Variants in TPO observed in about 807,000 individuals in gnomAD.
The protein encoded by TPO is thyroid microsomal antigen.
Under a neutral mutation model 96.9 loss-of-function variants are expected in TPO, and 78 were observed. That is an observed-to-expected ratio of 0.81 (90% CI 0.67 to 0.97). TPO has a LOEUF of 0.97. Among genes scored for constraint, TPO ranks in the 50% least tolerant of loss-of-function variants. The probability of loss-of-function intolerance (pLI) is 0.00; values close to 1 mark genes in which losing one functional copy is unlikely to be tolerated. For synonymous variants in TPO, 547 were observed against 538.0 expected, an observed-to-expected ratio of 1.02 and a Z score of -0.23; for missense variants, 1,252 against 1,274.8, an observed-to-expected ratio of 0.98 and a Z score of 0.27.
chr2:1,469,033 T>G (rs1430505482), intron 7 of TPO, among the ~76,000 whole-genome samples: 1 of 152,230 alleles, frequency 6.6e-6, no homozygotes, highest in African/African-American at 2.4e-5. Flanking sequence ...TTTCTCTGAG[T>G]GTGTCCAATG....
intron 1 of TPO, among the ~76,000 whole-genome samples, chr2:1,391,418 C>A (rs1346449534): frequency 1.3e-5 from 2 of 152,110 alleles, no homozygotes; most frequent in African/African-American, 4.8e-5. Context: ...GTTACTGTAG[C>A]CTCATAGTAT....
intron 7 of TPO, among the ~76,000 whole-genome samples, chr2:1,460,689 T>C (rs904221357): frequency 2.0e-5 from 3 of 152,228 alleles, no homozygotes; most frequent in East Asian, 1.9e-4. Context: ...TGTATTGTTA[T>C]TGCTGTGTTG....
chr2:1,497,991 C>CAAAA (rs543921082), intron 13 of TPO, among the ~76,000 whole-genome samples: 15 of 87,250 alleles, frequency 1.7e-4, no homozygotes, highest in East Asian at 3.1e-4. Context: ...CCCCATCTAC[C>CAAAA]AAAAAAAAAA....
rs546320500 is a variant in TPO, at chr2:1,384,922, A to G, written n.180+10520A>G. Among the ~76,000 whole-genome samples, 592 of 152,212 alleles carry G rather than the reference A, an allele frequency of 3.9e-3. 4 individuals carry two copies. Among genetic ancestry groups the G allele is most frequent in the Non-Finnish European group, 5.2e-3 (355 of 67,992 alleles). ...ATTTATTGAGAGTTTTTAGCATGAA[A>G]GGCTGTTGAATTTTGTCAAAGGCCT... On this transcript the variant is annotated intron_variant and non_coding_transcript_variant, in intron 1 of 5. Transcript: ENST00000497517.
At chr2:1,486,578 T>G (rs1671186732) in intron 9 of TPO, among the ~76,000 whole-genome samples, 1 of 152,112 alleles carries the variant, frequency 6.6e-6, no homozygotes, top group Non-Finnish European at 1.5e-5. Flanking sequence ...GCTAAACTGT[T>G]CTATAGTTAT....
intron 1 of TPO, among the ~76,000 whole-genome samples, chr2:1,377,336 A>ATAATACAG (rs1221983419): frequency 2.6e-5 from 4 of 152,194 alleles, no homozygotes; most frequent in Non-Finnish European, 5.9e-5. Flanking sequence ...CCCTACAAGG[A>ATAATACAG]TAATACAGGG....
chr2:1,457,836 T>C (rs1483221823), intron 7 of TPO, among the ~76,000 whole-genome samples: 2 of 151,958 alleles, frequency 1.3e-5, no homozygotes, highest in East Asian at 3.9e-4. Flanking sequence ...ATATAGCATA[T>C]AGGATTATGT....
At chr2:1,398,753 T>A (rs2148370233) in intron 1 of TPO, among the ~76,000 whole-genome samples, 1 of 152,210 alleles carries the variant, frequency 6.6e-6, no homozygotes, top group Non-Finnish European at 1.5e-5. Context: ...CCCCAAGGAA[T>A]GGGGTGCTGG....
chr2:1,471,108 G>A (rs1191676078), intron 7 of TPO, among the ~76,000 whole-genome samples: 2 of 152,218 alleles, frequency 1.3e-5, no homozygotes, highest in African/African-American at 4.8e-5. Context: ...TCTGACAGTG[G>A]TCAGGGGTTG....
chr2:1,529,777 C>G lies in TPO; in HGVS notation c.2619-10817C>G, dbSNP rs547037491. Among the ~76,000 whole-genome samples the G allele has an allele frequency of 7.4e-3, 731 of 98,436 alleles. 18 individuals are homozygous for G. The highest frequency in any genetic ancestry group is 0.028 in the African/African-American group (671 of 23,688). 64.6% of individuals were successfully genotyped at this position (98,436 alleles called of 152,430 possible). ...CCACTGTGTGCAACCTCCTCTAATC[C>G]CCCCACTGTGAGCAACCTCCCCAAA... On this transcript the variant is annotated intron_variant, in intron 15 of 16. Coordinates refer to ENST00000329066, the MANE Select transcript of TPO (RefSeq NM_001206744.2).
chr2:1,543,538 T>TAAC lies in TPO; in HGVS notation c.*1065_*1067dup, dbSNP rs1680943569. ...TAGAGAAAGCATGGTTTGCTTTTTA[T>TAAC]AACTTTTGTGACCCAAAAATACCAG... On this transcript the variant is annotated 3_prime_UTR_variant, in exon 17 of 17. Transcript: ENST00000329066. The TAAC allele has an allele frequency of 6.6e-6, 1 of 152,238 alleles. No homozygotes were observed. Among genetic ancestry groups the TAAC allele is most frequent in the Non-Finnish European group, 1.5e-5 (1 of 68,052 alleles). 9.4% of individuals were successfully genotyped at this position (152,238 alleles called of 1,614,324 possible). A position where few individuals can be genotyped will look rare whatever the true frequency, so the allele number is the denominator to read the frequency against.
At chr2:1,449,266 T>C (rs1667111886) in intron 5 of TPO, among the ~76,000 whole-genome samples, 1 of 152,238 alleles carries the variant, frequency 6.6e-6, no homozygotes, top group African/African-American at 2.4e-5. Flanking sequence ...ATAAATTCAA[T>C]GTTGCATCTC....
intron 1 of TPO, among the ~76,000 whole-genome samples, chr2:1,403,876 C>T (rs1662208597): frequency 6.6e-6 from 1 of 152,204 alleles, no homozygotes; most frequent in Middle Eastern, 3.2e-3. Context: ...GAAACGGTGG[C>T]TGCCCCATCA....
chr2:1,540,607 A>C lies in TPO; in HGVS notation c.2632A>C (p.Thr878Pro). 2.5e-6 allele frequency: 4 copies of C among 1,613,536 alleles called. No homozygotes were observed. The highest frequency in any genetic ancestry group is 1.1e-5 in the South Asian group (1 of 91,076). ...TGTCTCCCACAGGACACGCACTGGC[A>C]CTAAATCCACACTGCCCATCTCGGA... ...TVICRWTRTG[T>P]KSTLPISETG... The change falls in exon 16 of 17, where the codon ACT (threonine) becomes CCT (proline). Residue 878 changes from threonine (T) to proline (P), a missense_variant. Transcript: ENST00000329066.
At chr2:1,388,843 A>G (rs1661948925) in intron 1 of TPO, among the ~76,000 whole-genome samples, 1 of 152,136 alleles carries the variant, frequency 6.6e-6, no homozygotes. Context: ...CTATTTGGCC[A>G]TCTTGGAACT....
chr2:1,527,534 ATCCC>A (rs1676875811), intron 15 of TPO, among the ~76,000 whole-genome samples: 1 of 144,358 alleles, frequency 6.9e-6, no homozygotes, highest in East Asian at 2.4e-4. Context: ...ACTTCCCTAA[ATCCC>A]TCCAACTGTG....
chr2:1,379,253 C>T (rs754376914), intron 1 of TPO, among the ~76,000 whole-genome samples: 6 of 151,910 alleles, frequency 3.9e-5, no homozygotes, highest in African/African-American at 7.3e-5. Flanking sequence ...TGCAGTGAGC[C>T]GAGGTCGCGC....
chr2:1,538,296 C>G (rs532841697), intron 15 of TPO, among the ~76,000 whole-genome samples: 1 of 152,242 alleles, frequency 6.6e-6, no homozygotes, highest in South Asian at 2.1e-4. Flanking sequence ...CGACCTGATA[C>G]AAAGGAAAGC....
intron 15 of TPO, among the ~76,000 whole-genome samples, chr2:1,523,440 T>C (rs1363774318): frequency 1.8e-4 from 18 of 99,276 alleles, no homozygotes; most frequent in South Asian, 7.8e-4. Flanking sequence ...CTCCCCAAAT[T>C]ACCCCCACTG....
Sources: gnomAD v4.1 joint callset for allele counts (sites outside exome capture counted in the v4.1 genomes callset) on GRCh38, gnomAD v4.1.1 for gene constraint, MANE v1.5 for transcripts, NCBI Gene and HGNC (gene_info 2026-07-23, HGNC 2026-07-21) for gene names.